HEMK2: variants seen among roughly 807,000 people sequenced by gnomAD.
The protein encoded by HEMK2 is HemK methyltransferase 2, ETF1 glutamine and histone H4 lysine, also known as methyltransferase HEMK2.
At chr21:28,882,363 A>C in the HEMK2 span, 1 of 719,098 alleles carries the variant, frequency 1.4e-6, no homozygotes, top group Non-Finnish European at 2.3e-6. Context: ...TAGAAAAAAA[A>C]AAATTAGAAC....
chr21:28,635,920 C>T, the HEMK2 span, among the ~76,000 whole-genome samples: 2 of 152,084 alleles, frequency 1.3e-5, no homozygotes, highest in African/African-American at 4.8e-5. Flanking sequence ...TTTATTTCAT[C>T]TCATTTTAAT....
chr21:28,883,117 T>C, the HEMK2 span: 462 of 1,355,264 alleles, frequency 3.4e-4, 3 homozygotes, highest in African/African-American at 6.4e-3. Context: ...ATCAAAATAC[T>C]CTTCACAGAA....
At chr21:28,857,736 G>A in the HEMK2 span, among the ~76,000 whole-genome samples, 1 of 151,972 alleles carries the variant, frequency 6.6e-6, no homozygotes, top group East Asian at 1.9e-4. Flanking sequence ...TAGATGTTCT[G>A]GGTCTTATTA....
At chr21:28,644,750 A>C in the HEMK2 span, among the ~76,000 whole-genome samples, 1 of 152,180 alleles carries the variant, frequency 6.6e-6, no homozygotes, top group Non-Finnish European at 1.5e-5. Flanking sequence ...TCTAATAACT[A>C]TTTCATAATA....
At chr21:28,798,784 G>C in the HEMK2 span, among the ~76,000 whole-genome samples, 4,012 of 152,250 alleles carry the variant, frequency 0.026, 186 homozygotes, top group African/African-American at 0.091. Flanking sequence ...TCCTTGGGTT[G>C]TGCCAAGGAG....
the HEMK2 span, among the ~76,000 whole-genome samples, chr21:28,663,166 G>C: frequency 1.3e-5 from 2 of 152,148 alleles, no homozygotes; most frequent in Non-Finnish European, 1.5e-5. Flanking sequence ...TGATAAAGAC[G>C]CTGGAAGAAA....
At chr21:28,787,021 A>C in the HEMK2 span, among the ~76,000 whole-genome samples, 1 of 152,208 alleles carries the variant, frequency 6.6e-6, no homozygotes, top group Non-Finnish European at 1.5e-5. Flanking sequence ...AGGCACATAG[A>C]CCAATGGAAC....
At chr21:28,609,994 T>C in the HEMK2 span, among the ~76,000 whole-genome samples, 1 of 152,204 alleles carries the variant, frequency 6.6e-6, no homozygotes, top group Non-Finnish European at 1.5e-5. Context: ...GAGGGAATCA[T>C]CCAGGAAAAC....
the HEMK2 span, among the ~76,000 whole-genome samples, chr21:28,576,173 G>T: frequency 6.6e-6 from 1 of 152,128 alleles, no homozygotes; most frequent in East Asian, 1.9e-4. Context: ...CCAAACTATT[G>T]CCCCAAGTGT....
the HEMK2 span, among the ~76,000 whole-genome samples, chr21:28,811,449 G>C: frequency 1.4e-5 from 2 of 147,460 alleles, no homozygotes; most frequent in African/African-American, 5.0e-5. Flanking sequence ...CGGACGCAGG[G>C]AGGGAGGGAG....
chr21:28,798,713 T>C, the HEMK2 span, among the ~76,000 whole-genome samples: 1 of 152,124 alleles, frequency 6.6e-6, no homozygotes, highest in African/African-American at 2.4e-5. Context: ...GTGGGTGTCA[T>C]AGTAGGAATT....
chr21:28,870,388 A>C, the HEMK2 span, among the ~76,000 whole-genome samples: 1 of 151,032 alleles, frequency 6.6e-6, no homozygotes, highest in Admixed American at 6.6e-5. Flanking sequence ...CTGTTCAGTT[A>C]ATTTTCAAAA....
At chr21:28,808,274 C>T in the HEMK2 span, among the ~76,000 whole-genome samples, 2 of 152,166 alleles carry the variant, frequency 1.3e-5, no homozygotes, top group Non-Finnish European at 2.9e-5. Context: ...CTTGCTCCAA[C>T]TTTATAGTAA....
chr21:28,589,609 C>T, the HEMK2 span, among the ~76,000 whole-genome samples: 2 of 152,160 alleles, frequency 1.3e-5, no homozygotes, highest in Middle Eastern at 6.8e-3. Context: ...AGCCAAGTTT[C>T]TCAGTTTTGG....
At chr21:28,753,832 C>T in the HEMK2 span, among the ~76,000 whole-genome samples, 29,455 of 152,162 alleles carry the variant, frequency 0.19, 3,569 homozygotes, top group African/African-American at 0.34. Context: ...TTCAAACACA[C>T]GTGCACACGC....
the HEMK2 span, among the ~76,000 whole-genome samples, chr21:28,678,658 C>T: frequency 6.6e-6 from 1 of 152,192 alleles, no homozygotes; most frequent in Non-Finnish European, 1.5e-5. Flanking sequence ...GGTCGGGTAA[C>T]CCACAAAGGG....
the HEMK2 span, among the ~76,000 whole-genome samples, chr21:28,831,642 A>AAAGAAGGAAAGAAGGAAAGAAGGAAG: frequency 3.1e-5 from 1 of 32,696 alleles, no homozygotes; most frequent in Non-Finnish European, 5.3e-5. Context: ...AAGGAAAGAA[A>AAAGAAGGAAAGAAGGAAAGAAGGAAG]GAAAGAAAGA....
chr21:28,656,488 C>T, the HEMK2 span, among the ~76,000 whole-genome samples: 2 of 151,894 alleles, frequency 1.3e-5, 1 homozygote, highest in South Asian at 4.2e-4. Context: ...GAAATACAGT[C>T]CTCAGCCTTA....
At chr21:28,859,292 G>T in the HEMK2 span, among the ~76,000 whole-genome samples, 1 of 152,006 alleles carries the variant, frequency 6.6e-6, no homozygotes, top group Non-Finnish European at 1.5e-5. Flanking sequence ...TCTTCCATCT[G>T]CTCTTTTTTT....
Sources: gnomAD v4.1 joint callset for allele counts (sites outside exome capture counted in the v4.1 genomes callset) on GRCh38, gnomAD v4.1.1 for gene constraint, MANE v1.5 for transcripts, NCBI Gene and HGNC (gene_info 2026-07-23, HGNC 2026-07-21) for gene names.